The following TRAPPC2 variants were observed in gnomAD, a reference collection of about 807,000 sequenced individuals.
TRAPPC2 encodes the protein trafficking protein particle complex subunit 2.
In TRAPPC2, 4 loss-of-function variants were observed where a neutral mutation model predicts 10.0. That is an observed-to-expected ratio of 0.40 (90% CI 0.20 to 0.92). The LOEUF (loss-of-function observed/expected upper bound fraction) is 0.92, where lower values mean the gene tolerates loss of function less well. Ranked by LOEUF, TRAPPC2 falls within the 40% of genes least tolerant of loss-of-function variation. The pLI, the probability that TRAPPC2 is intolerant of heterozygous loss-of-function variation, is 0.35. For missense variants in TRAPPC2, 52 were observed against 108.7 expected (o/e 0.48, Z 2.32); for synonymous variants, 36 against 37.3 (o/e 0.97, Z 0.12).
At chrX:13,724,676 C>T (rs149827316) in intron 2 of TRAPPC2, among the ~76,000 whole-genome samples, 1 of 112,421 alleles carries the variant, frequency 8.9e-6, no homozygotes, top group African/African-American at 3.2e-5. Flanking sequence ...CAGCTCCCAG[C>T]GTGATCAACG....
intron 2 of TRAPPC2, chrX:13,721,740 T>C (rs991959195): frequency 5.5e-5 from 5 of 91,734 alleles, no homozygotes; most frequent in African/African-American, 2.2e-4. Context: ...TCAGAACTCC[T>C]GGCATGATGA....
At chrX:13,732,517 T>C (rs2046697237) in intron 2 of TRAPPC2, among the ~76,000 whole-genome samples, 1 of 112,974 alleles carries the variant, frequency 8.9e-6, no homozygotes, top group Non-Finnish European at 1.9e-5. Context: ...AGACTAAATG[T>C]GGTCACCAGG....
rs190693088 is a variant in TRAPPC2, at chrX:13,724,982, G to A, written c.-19-5000C>T. ...CTGGCTCGGCAGGTCCCACGCCCAC[G>A]GAGCCTTGCTCACTGCTAGCGCAGC... is the stretch of plus-strand genomic sequence containing the variant. On this transcript the variant is annotated intron_variant, in intron 2 of 5. Transcript: ENST00000380579. 5.6e-3 allele frequency among the ~76,000 whole-genome samples: 634 copies of A among 113,285 alleles called. 6 individuals carry two copies. Among genetic ancestry groups the A allele is most frequent in the African/African-American group, 0.019 (589 of 31,289 alleles).
rs754087495 is a variant in TRAPPC2, at chrX:13,717,324, C to T, written c.94-646G>A. On this transcript the variant is annotated intron_variant, in intron 3 of 5. Coordinates refer to ENST00000380579, the MANE Select transcript of TRAPPC2 (RefSeq NM_001011658.4). ...ATAGCAGGACACAGTCCTGTCAGAGCTGGGAGTGTCCTTTTCCTGGGCTGA... is the reference window on the plus strand; with the variant it reads ...ATAGCAGGACACAGTCCTGTCAGAGTTGGGAGTGTCCTTTTCCTGGGCTGA... Among the ~76,000 whole-genome samples the T allele has an allele frequency of 2.7e-5, 3 of 112,340 alleles. No homozygotes were observed. In the South Asian group the frequency reaches 1.1e-3, roughly 41 times the overall value.
At chrX:13,719,716 A>G (rs756489262) in intron 3 of TRAPPC2, among the ~76,000 whole-genome samples, 155 bp downstream of exon 3, 3 of 112,059 alleles carry the variant, frequency 2.7e-5, no homozygotes, top group South Asian at 7.4e-4. Context: ...AAACATCTCC[A>G]AGGACATACC....
intron 2 of TRAPPC2, among the ~76,000 whole-genome samples, chrX:13,725,145 T>C (rs192382281): frequency 0.011 from 1,222 of 113,029 alleles, 19 homozygotes; most frequent in South Asian, 0.045. Context: ...GCCTACTGCC[T>C]CTAGACTCCA....
At chrX:13,734,463 G>A in intron 1 of TRAPPC2, 62 bp downstream of exon 1, 1 of 225,786 alleles carries the variant, frequency 4.4e-6, no homozygotes, top group Non-Finnish European at 8.0e-6. Context: ...TCACGCAGGG[G>A]CTACGAAGTC....
intron 2 of TRAPPC2, among the ~76,000 whole-genome samples, chrX:13,733,594 A>G (rs1356459240): frequency 8.9e-6 from 1 of 111,900 alleles, no homozygotes; most frequent in Non-Finnish European, 1.9e-5. Flanking sequence ...TCACAGCCAG[A>G]GATCAAAACT....
chrX:13,734,153 C>G lies in TRAPPC2; in HGVS notation c.-129G>C. The G allele has an allele frequency of 2.0e-6, 1 of 507,125 alleles. No homozygotes were observed. Among genetic ancestry groups the G allele is most frequent in the Non-Finnish European group, 3.5e-6 (1 of 282,724 alleles). The allele number at this position is 507,125 out of a possible 1,213,427, so 41.8% of individuals were successfully genotyped here. On this transcript the variant is annotated 5_prime_UTR_variant, in exon 2 of 6. Coordinates refer to ENST00000380579, the MANE Select transcript of TRAPPC2 (RefSeq NM_001011658.4). ...GACATCTGGCAATATCTGGAGACATCTTTGGTTGTCACACTTGGGGGAGAA... is the reference window on the plus strand; with the variant it reads ...GACATCTGGCAATATCTGGAGACATGTTTGGTTGTCACACTTGGGGGAGAA...
Position 13,712,294 on chromosome X carries a change from A to T in TRAPPC2, c.*2113T>A, listed in dbSNP as rs755369088. 1 of 111,584 alleles carries T rather than the reference A, an allele frequency of 9.0e-6. No individual in the cohort carries two copies. Among genetic ancestry groups the T allele is most frequent in the South Asian group, 3.6e-4 (1 of 2,741 alleles). 9.2% of individuals were successfully genotyped at this position (111,584 alleles called of 1,213,427 possible). On this transcript the variant is annotated 3_prime_UTR_variant, in exon 6 of 6. Transcript: ENST00000380579. Reference sequence around the variant, plus strand: ...AATCAAATAGGGTAAAAATTATGCAATTTCACACAAGGATACAAGACAAAG... The same window carrying T: ...AATCAAATAGGGTAAAAATTATGCATTTTCACACAAGGATACAAGACAAAG...
rs142483009 is a variant in TRAPPC2 at position 13,717,656 on chromosome X, T to C, written c.94-978A>G. 6.3e-3 allele frequency among the ~76,000 whole-genome samples: 701 copies of C among 110,812 alleles called. 4 individuals carry two copies. The highest frequency in any genetic ancestry group is 0.022 in the African/African-American group (667 of 30,435). On this transcript the variant is annotated intron_variant, in intron 3 of 5. Transcript: ENST00000380579. The stretch of plus-strand genomic sequence containing the variant: ...CGGGAGGCTGAGGCAGGAGAATTGC[T>C]TGAACCTGGGAGGCGGAGGCTGCAG...
chrX:13,717,192 C>A (rs779946543), intron 3 of TRAPPC2, among the ~76,000 whole-genome samples: 38 of 110,946 alleles, frequency 3.4e-4, no homozygotes, highest in Non-Finnish European at 6.8e-4. Context: ...GCGCTTATAA[C>A]GGCCTGCCAG....
At chrX:13,720,201 C>T (rs2046378794) in intron 2 of TRAPPC2, 1 of 236,907 alleles carries the variant, frequency 4.2e-6, no homozygotes, top group Admixed American at 6.6e-5. Flanking sequence ...AATGTATTTT[C>T]TTAAGTAAAC....
intron 2 of TRAPPC2, chrX:13,721,082 GA>G (rs938683019): frequency 3.6e-5 from 4 of 110,734 alleles, no homozygotes; most frequent in African/African-American, 1.3e-4. Flanking sequence ...AAACTGGGGG[GA>G]AAAATATAAG....
chrX:13,733,684 T>C (rs761043560), intron 2 of TRAPPC2, among the ~76,000 whole-genome samples: 2 of 111,837 alleles, frequency 1.8e-5, no homozygotes, highest in Admixed American at 9.5e-5. Context: ...ATATAAGGCT[T>C]ATATTCCCAG....
chrX:13,734,046 T>G lies in TRAPPC2; in HGVS notation c.-22A>C. 1.9e-6 allele frequency: 1 copy of G among 515,132 alleles called. No homozygotes were observed. The highest frequency in any genetic ancestry group is 3.5e-6 in the Non-Finnish European group (1 of 286,887). The allele number at this position is 515,132 out of a possible 1,213,427, so 42.5% of individuals were successfully genotyped here. On this transcript the variant is annotated splice_region_variant and 5_prime_UTR_variant, in exon 2 of 6. It removes the in-frame stop codon of an upstream open reading frame in the 5' UTR. Coordinates refer to ENST00000380579, the MANE Select transcript of TRAPPC2 (RefSeq NM_001011658.4). ...AAGCATCATGAGGACTGGCTCACCT[T>G]TACCTCACAGCACACAATGGTTGGT...
intron 2 of TRAPPC2, among the ~76,000 whole-genome samples, chrX:13,733,765 A>G (rs1286993602): frequency 9.2e-6 from 1 of 109,204 alleles, no homozygotes; most frequent in Non-Finnish European, 1.9e-5. Context: ...TTTTCTTTTA[A>G]TGATTCCTTT....
chrX:13,723,657 A>G (rs1379625013), intron 2 of TRAPPC2, among the ~76,000 whole-genome samples: 1 of 111,527 alleles, frequency 9.0e-6, no homozygotes, highest in Non-Finnish European at 1.9e-5. Flanking sequence ...GGGGCCTTTG[A>G]AGCATCTCCA....
At chrX:13,714,566 G>T in intron 5 of TRAPPC2, 61 bp from the exon 6 acceptor site, 1 of 651,137 alleles carries the variant, frequency 1.5e-6, no homozygotes, top group Non-Finnish European at 2.2e-6. Flanking sequence ...TTTCTGAAAG[G>T]AAATCATTTT....
Sources: gnomAD v4.1 joint callset for allele counts (sites outside exome capture counted in the v4.1 genomes callset) on GRCh38, gnomAD v4.1.1 for gene constraint, MANE v1.5 for transcripts, NCBI Gene and HGNC (gene_info 2026-07-23, HGNC 2026-07-21) for gene names.